UNC5C: variants seen among roughly 807,000 people sequenced by gnomAD.
UNC5C encodes netrin receptor UNC5C.
Under a neutral mutation model 99.8 loss-of-function variants are expected in UNC5C, and 47 were observed. That is an observed-to-expected ratio of 0.47 (90% CI 0.37 to 0.60). UNC5C has a LOEUF of 0.60. UNC5C is among the 20% of genes least tolerant of loss of function. UNC5C has a pLI of 0.00. For missense variants in UNC5C, 1,062 were observed against 1,165.9 expected (o/e 0.91, Z 1.30); for synonymous variants, 487 against 452.2 (o/e 1.08, Z -0.98).
chr4:95,206,612 C>T lies in UNC5C; in HGVS notation c.1902+16G>A, dbSNP rs751115264. The T allele has an allele frequency of 2.5e-6, 4 of 1,613,786 alleles. No homozygotes were observed. The highest frequency in any genetic ancestry group is 3.4e-6 in the Non-Finnish European group (4 of 1,179,968). On this transcript the variant is annotated intron_variant, in intron 11 of 15. Transcript: ENST00000453304. ...GATTATTCTTGCATAGCATCTTTATCCCGACAGCAGCTCACCTCCCACTGT... is the reference window on the plus strand; with the variant it reads ...GATTATTCTTGCATAGCATCTTTATTCCGACAGCAGCTCACCTCCCACTGT...
At chr4:95,388,658 T>G (rs1349511014) in intron 1 of UNC5C, among the ~76,000 whole-genome samples, 1 of 152,186 alleles carries the variant, frequency 6.6e-6, no homozygotes, top group East Asian at 1.9e-4. Context: ...GTTCATATTC[T>G]GAGCACTTAC....
intron 1 of UNC5C, among the ~76,000 whole-genome samples, chr4:95,486,649 A>T (rs1476828064): frequency 6.6e-6 from 1 of 151,666 alleles, no homozygotes; most frequent in Non-Finnish European, 1.5e-5. Flanking sequence ...TGCAAATCTG[A>T]TGGCTTGAGT....
intron 1 of UNC5C, among the ~76,000 whole-genome samples, chr4:95,406,635 G>A (rs866828545): frequency 6.6e-6 from 1 of 152,100 alleles, no homozygotes; most frequent in Non-Finnish European, 1.5e-5. Flanking sequence ...TTCTTTCACC[G>A]TCAGTCCCTT....
chr4:95,463,819 A>T (rs1420712243), intron 1 of UNC5C, among the ~76,000 whole-genome samples: 1 of 152,194 alleles, frequency 6.6e-6, no homozygotes, highest in African/African-American at 2.4e-5. Context: ...ACAAAGATGA[A>T]TAAGAAACAG....
chr4:95,301,622 C>G lies in UNC5C; in HGVS notation c.474G>C (p.Ala158=). 1 of 1,614,010 alleles carries G rather than the reference C, an allele frequency of 6.2e-7. No homozygotes were observed. The highest frequency in any genetic ancestry group is 1.1e-5 in the South Asian group (1 of 91,078). Residue 158 remains alanine (A), a synonymous_variant, in exon 3 of 16, where the codon GCG becomes GCC. Transcript: ENST00000453304. ...ATGACTCACATGCAATGCGCACATA[C>G]GCCTTCCGGCTCTTTGTGGTACCCG... ...SSAGTTKSRK[A]YVRIAYLRKT...
intron 2 of UNC5C, among the ~76,000 whole-genome samples, chr4:95,302,203 T>G (rs1326715423): frequency 1.3e-5 from 2 of 152,264 alleles, no homozygotes; most frequent in Admixed American, 6.5e-5. Context: ...TTAGCAGTTG[T>G]GTTTCAATTA....
chr4:95,223,673 T>C (rs988997486), intron 7 of UNC5C, among the ~76,000 whole-genome samples: 2 of 152,234 alleles, frequency 1.3e-5, no homozygotes, highest in Non-Finnish European at 2.9e-5. Context: ...TCTAGTTGTC[T>C]GAGTCCATGT....
intron 14 of UNC5C, among the ~76,000 whole-genome samples, chr4:95,181,523 T>G (rs1391808557): frequency 6.6e-6 from 1 of 151,686 alleles, no homozygotes; most frequent in Admixed American, 6.6e-5. Context: ...TGGAGCTGGG[T>G]GGTTATTGAA....
intron 10 of UNC5C, among the ~76,000 whole-genome samples, chr4:95,207,227 A>G (rs1737913605): frequency 6.6e-6 from 1 of 152,198 alleles, no homozygotes; most frequent in South Asian, 2.1e-4. Context: ...CTTGAAAAAT[A>G]GTTTTAAAAA....
At chr4:95,278,157 A>G (rs1014804141) in intron 4 of UNC5C, 102 bp downstream of exon 4, 10 of 959,068 alleles carry the variant, frequency 1.0e-5, no homozygotes, top group Non-Finnish European at 1.5e-5. Context: ...CCAACCATTC[A>G]TCATGCCATA....
At chr4:95,481,585 C>T (rs1721157656) in intron 1 of UNC5C, among the ~76,000 whole-genome samples, 1 of 152,106 alleles carries the variant, frequency 6.6e-6, no homozygotes, top group South Asian at 2.1e-4. Flanking sequence ...AAACTGGAGG[C>T]ATCACTCTAC....
At chr4:95,312,429 C>G (rs1742309283) in intron 2 of UNC5C, among the ~76,000 whole-genome samples, 1 of 152,088 alleles carries the variant, frequency 6.6e-6, no homozygotes, top group Non-Finnish European at 1.5e-5. Context: ...TGTTTAATCC[C>G]AGGCATAGAA....
At chr4:95,243,193 A>G (rs1199922667) in intron 6 of UNC5C, among the ~76,000 whole-genome samples, 2 of 152,198 alleles carry the variant, frequency 1.3e-5, no homozygotes, top group African/African-American at 2.4e-5. Context: ...TGAAAACACT[A>G]TTATTTTTCA....
chr4:95,259,624 G>A (rs1740146082), intron 4 of UNC5C, among the ~76,000 whole-genome samples: 1 of 152,000 alleles, frequency 6.6e-6, no homozygotes, highest in Non-Finnish European at 1.5e-5. Context: ...TTCTAGAGAT[G>A]TCATTAGCAT....
At chr4:95,222,785 C>A (rs374164376) in intron 7 of UNC5C, among the ~76,000 whole-genome samples, 4 of 152,110 alleles carry the variant, frequency 2.6e-5, no homozygotes, top group South Asian at 2.1e-4. Context: ...ACCTCTCCCC[C>A]GCTCCATCTC....
In UNC5C at chr4:95,376,971, T is replaced by G. The variant is rs556831896; in HGVS notation, c.125-41340A>C. 5.3e-5 allele frequency among the ~76,000 whole-genome samples: 8 copies of G among 152,282 alleles called. No individual in the cohort carries two copies. The East Asian group carries it at 1.4e-3, about 26-fold the overall frequency. On this transcript the variant is annotated intron_variant, in intron 1 of 15. Transcript: ENST00000453304. ...TTGCTGTTGTTTTAAGCCAGCGAAG[T>G]GCTAATATCATTCTCCACTTGCAGG...
In UNC5C at chr4:95,331,625, T is replaced by C. The variant is rs376000401; in HGVS notation, c.346+3785A>G. Among the ~76,000 whole-genome samples, 24 of 152,296 alleles carry C rather than the reference T, an allele frequency of 1.6e-4. No homozygotes were observed. The South Asian group carries it at 4.3e-3, about 28-fold the overall frequency. On this transcript the variant is annotated intron_variant, in intron 2 of 15. Transcript: ENST00000453304. Reference sequence around the variant, plus strand: ...AATTTCCTAAATCTTCTCTTAGTTCTCATCTATCTCTCCTGAATTTAAATG... The same window carrying C: ...AATTTCCTAAATCTTCTCTTAGTTCCCATCTATCTCTCCTGAATTTAAATG...
At chr4:95,481,552 G>T (rs929918090) in intron 1 of UNC5C, among the ~76,000 whole-genome samples, 14 of 151,988 alleles carry the variant, frequency 9.2e-5, no homozygotes, top group African/African-American at 3.4e-4. Flanking sequence ...ACATCGCCAA[G>T]TCAATCCTAA....
At chr4:95,509,106 G>T (rs1721998500) in intron 1 of UNC5C, among the ~76,000 whole-genome samples, 1 of 151,624 alleles carries the variant, frequency 6.6e-6, no homozygotes, top group Non-Finnish European at 1.5e-5. Context: ...TATATAAGTG[G>T]AATACCAAAA....
Sources: allele counts gnomAD v4.1 joint callset (sites outside exome capture counted in the v4.1 genomes callset), GRCh38; gene constraint gnomAD v4.1.1; transcripts MANE v1.5; gene names NCBI Gene and HGNC (gene_info 2026-07-23, HGNC 2026-07-21).